The following CHRNA1 variants were observed in gnomAD, a reference collection of about 807,000 sequenced individuals.
CHRNA1 encodes cholinergic receptor nicotinic alpha 1 subunit.
Under a neutral mutation model 47.1 loss-of-function variants are expected in CHRNA1, and 35 were observed. That is an observed-to-expected ratio of 0.74 (90% CI 0.57 to 0.99). The LOEUF (loss-of-function observed/expected upper bound fraction) is 0.99. Ranked by LOEUF, CHRNA1 falls within the 50% of genes least tolerant of loss-of-function variation. The pLI, the probability that CHRNA1 is intolerant of heterozygous loss-of-function variation, is 0.00. For missense variants in CHRNA1, 506 were observed against 591.1 expected (o/e 0.86, Z 1.49); for synonymous variants, 229 against 223.6 (o/e 1.02, Z -0.22).
At chr2:174,748,427 T>G (rs1683777707) in intron 8 of CHRNA1, among the ~76,000 whole-genome samples, 153 bp downstream of exon 8, 2 of 152,182 alleles carry the variant, frequency 1.3e-5, no homozygotes, top group Admixed American at 1.3e-4. Flanking sequence ...AGTGATAACT[T>G]ACTAAGGTGG....
chr2:174,750,262 G>A, intron 6 of CHRNA1, 93 bp from the exon 7 acceptor site: 1 of 919,880 alleles, frequency 1.1e-6, no homozygotes, highest in Non-Finnish European at 1.7e-6. Flanking sequence ...ATATGTGGAA[G>A]TCCTGAGTCC....
chr2:174,754,300 G>A lies in CHRNA1; in HGVS notation c.459C>T (p.Thr153=), dbSNP rs766005384. 1 of 1,614,214 alleles carries A rather than the reference G, an allele frequency of 6.2e-7. No individual in the cohort carries two copies. Among genetic ancestry groups the A allele is most frequent in the Non-Finnish European group, 8.5e-7 (1 of 1,180,040 alleles). ...AGTTCTGTTCATCAAAGGGAAAGTG[G>A]GTGACGATGATCTCACAGTAGCTTT... ...IFKSYCEIIV[T]HFPFDEQNCS... Residue 153 remains threonine, a synonymous_variant, in exon 5 of 9, where the codon ACC becomes ACT. Coordinates refer to ENST00000348749, the MANE Select transcript of CHRNA1 (RefSeq NM_000079.4).
Position 174,759,626 on chromosome 2 carries a change from G to A in CHRNA1, c.51C>T (p.Leu17=), listed in dbSNP as rs751402231. ...GGGTCTCATGTTCGGAGCCCAGGACGAGGCCAGCTGAGACAGCAGATGACA... is the reference window on the plus strand; with the variant it reads ...GGGTCTCATGTTCGGAGCCCAGGACAAGGCCAGCTGAGACAGCAGATGACA... ...LLLFSLCSAG[L]VLGSEHETRL... is the part of the protein sequence containing the mutation. The change falls in exon 2 of 9, where the codon CTC becomes CTT. Residue 17 remains leucine (L), a synonymous_variant. Transcript: ENST00000348749. 6.8e-6 allele frequency: 11 copies of A among 1,613,132 alleles called. No individual in the cohort carries two copies. The highest frequency in any genetic ancestry group is 3.3e-5 in the South Asian group (3 of 91,052).
intron 6 of CHRNA1, 33 bp from the exon 7 acceptor site, chr2:174,750,202 A>T: frequency 6.6e-7 from 1 of 1,522,044 alleles, no homozygotes; most frequent in Non-Finnish European, 9.1e-7. Context: ...AAAAAATCCC[A>T]CAACTACCCA....
Position 174,753,543 on chromosome 2 carries a change from G to C in CHRNA1, c.738C>G (p.Ser246=). Residue 246 remains serine, a synonymous_variant, in exon 6 of 9, where the codon TCC becomes TCG. Transcript: ENST00000348749. ...VNVIIPCLLF[S]FLTGLVFYLP... Reference sequence around the variant, plus strand: ...GGTAGAATACCAGGCCAGTTAAGAAGGAGAAGAGCAGGCAGGGGATGATGA... The same window carrying C: ...GGTAGAATACCAGGCCAGTTAAGAACGAGAAGAGCAGGCAGGGGATGATGA... The C allele has an allele frequency of 6.2e-7, 1 of 1,614,200 alleles. No individual in the cohort carries two copies. The highest frequency in any genetic ancestry group is 1.1e-5 in the South Asian group (1 of 91,066).
At chr2:174,759,309 T>A (rs1382901991) in intron 3 of CHRNA1, 22 bp downstream of exon 3, 2 of 1,613,472 alleles carry the variant, frequency 1.2e-6, no homozygotes, top group South Asian at 1.1e-5. Flanking sequence ...ACGACACACA[T>A]GCAATTATCT....
chr2:174,753,198 G>A (rs1683892356), intron 6 of CHRNA1: 2 of 597,706 alleles, frequency 3.3e-6, no homozygotes. Flanking sequence ...TACACTTCTG[G>A]GCACACAGTT....
At chr2:174,763,377 G>A (rs1684133704) in intron 1 of CHRNA1, among the ~76,000 whole-genome samples, 1 of 151,986 alleles carries the variant, frequency 6.6e-6, no homozygotes, top group Admixed American at 6.5e-5. Flanking sequence ...GCTTTGGCTG[G>A]ACAGAGTCCA....
At position 174,747,702 on chromosome 2, in the gene CHRNA1, C is replaced by A. The variant is rs184095877; in HGVS notation, c.*422G>T. 421 of 246,502 alleles carry A rather than the reference C, an allele frequency of 1.7e-3. 3 individuals carry two copies. Among genetic ancestry groups the A allele is most frequent in the Admixed American group, 2.9e-3 (58 of 19,776 alleles). 15.3% of individuals were successfully genotyped at this position (246,502 alleles called of 1,614,324 possible). A position where few individuals can be genotyped will look rare whatever the true frequency, so the allele number is the denominator to read the frequency against. On this transcript the variant is annotated 3_prime_UTR_variant, in exon 9 of 9. Coordinates refer to ENST00000348749, the MANE Select transcript of CHRNA1 (RefSeq NM_000079.4). ...GTAGATGGGGTTTTCTTAGTAGGTA[C>A]AAAACTGACTCTTAAGCAAAGAATA...
At chr2:174,754,482 G>A (rs1259119261) in intron 4 of CHRNA1, 68 bp from the exon 5 acceptor site, 8 of 1,358,640 alleles carry the variant, frequency 5.9e-6, no homozygotes, top group East Asian at 2.3e-5. Flanking sequence ...GCTTGGGGAC[G>A]TTAACAGGAG....
chr2:174,761,624 C>G (rs942848202), intron 1 of CHRNA1, among the ~76,000 whole-genome samples: 5 of 152,162 alleles, frequency 3.3e-5, no homozygotes, highest in Non-Finnish European at 5.9e-5. Context: ...TAGTTTCACA[C>G]GTTTTCTGAA....
At chr2:174,750,339 G>T (rs1469968718) in intron 6 of CHRNA1, among the ~76,000 whole-genome samples, 170 bp from the exon 7 acceptor site, 1 of 152,146 alleles carries the variant, frequency 6.6e-6, no homozygotes, top group Non-Finnish European at 1.5e-5. Flanking sequence ...TGAAAACGAG[G>T]TGATATGGGG....
chr2:174,763,328 G>GCA (rs754957112), intron 1 of CHRNA1, among the ~76,000 whole-genome samples: 2,183 of 121,450 alleles, frequency 0.018, 43 homozygotes, highest in South Asian at 0.088. Flanking sequence ...GTGCACGCGC[G>GCA]CGCACACACA....
chr2:174,758,050 T>C (rs755709246), intron 3 of CHRNA1: 1 of 1,613,974 alleles, frequency 6.2e-7, no homozygotes, highest in Non-Finnish European at 8.5e-7. Context: ...GAGAAAGACC[T>C]AGTGTGAACG....
At chr2:174,762,008 A>G (rs1029558079) in intron 1 of CHRNA1, among the ~76,000 whole-genome samples, 2 of 152,236 alleles carry the variant, frequency 1.3e-5, no homozygotes, top group Admixed American at 1.3e-4. Flanking sequence ...ATTATGTAGC[A>G]GGAGAACTAT....
chr2:174,753,382 T>C, intron 6 of CHRNA1, 121 bp downstream of exon 6: 1 of 1,008,848 alleles, frequency 9.9e-7, no homozygotes, highest in South Asian at 1.3e-5. Flanking sequence ...TGCACCCTCC[T>C]AATGATGATG....
In CHRNA1 at chr2:174,757,590, C is replaced by A. The variant is rs376844505; in HGVS notation, c.320G>T (p.Arg107Leu). 6.2e-7 allele frequency: 1 copy of A among 1,613,956 alleles called. No individual in the cohort carries two copies. The highest frequency in any genetic ancestry group is 1.7e-5 in the Admixed American group (1 of 60,020). ...KIHIPSEKIWRPDLVLYNNAD... is the reference protein window; with the variant it reads ...KIHIPSEKIWLPDLVLYNNAD... ...CTTGTTATAGAGAACAAGGTCTGGG[C>A]GCCAGATCTTTTCTGAAGGAATGTG... The change falls in exon 4 of 9, where the codon CGC (arginine) becomes CTC (leucine). Residue 107 changes from arginine to leucine, a missense_variant. Coordinates refer to ENST00000348749, the MANE Select transcript of CHRNA1 (RefSeq NM_000079.4).
At position 174,757,690 on chromosome 2, in the gene CHRNA1, A is replaced by G; in HGVS notation, c.235-15T>C. 1 of 1,605,058 alleles carries G rather than the reference A, an allele frequency of 6.2e-7. No homozygotes were observed. Among genetic ancestry groups the G allele is most frequent in the Non-Finnish European group, 8.5e-7 (1 of 1,171,744 alleles). ...TCCACCCATTGCTAGAAACAAAGAC[A>G]TACAGCTAATTAAAAAGCCAAAAAC... On this transcript the variant is annotated splice_polypyrimidine_tract_variant and intron_variant, in intron 3 of 8. Transcript: ENST00000348749.
In CHRNA1 at chr2:174,764,364, T is replaced by A. The variant is rs767232137; in HGVS notation, c.31A>T (p.Ser11Cys). ...CCCCAGCACTTACCTGAGCAAAGGC[T>A]AAAGAGCAGGAGGAGAGGCCAGGGC... MEPWPLLLLF[S>C]LCSAGLVLGS... The change falls in exon 1 of 9, where the codon AGC (serine) becomes TGC (cysteine). Residue 11 changes from serine (S) to cysteine (C), a missense_variant. Physicochemically the swap from Ser to Cys is moderately radical, Grantham distance 112. Transcript: ENST00000348749. 1 of 1,613,456 alleles carries A rather than the reference T, an allele frequency of 6.2e-7. No homozygotes were observed. The highest frequency in any genetic ancestry group is 8.5e-7 in the Non-Finnish European group (1 of 1,179,760).
Sources: gnomAD v4.1 joint callset for allele counts (sites outside exome capture counted in the v4.1 genomes callset) on GRCh38, gnomAD v4.1.1 for gene constraint, MANE v1.5 for transcripts, NCBI Gene and HGNC (gene_info 2026-07-23, HGNC 2026-07-21) for gene names.